Variants in GPR176 observed in about 807,000 individuals in gnomAD.
The protein encoded by GPR176 is G protein-coupled receptor 176.
Under a neutral mutation model 35.4 loss-of-function variants are expected in GPR176, and 26 were observed. That is an observed-to-expected ratio of 0.74 (90% confidence interval 0.54 to 1.02). The LOEUF (loss-of-function observed/expected upper bound fraction) is 1.02, where lower values mean the gene tolerates loss of function less well. Among genes scored for constraint, GPR176 ranks in the 50% least tolerant of loss-of-function variants. The pLI is 0.00. For synonymous variants in GPR176, 278 were observed against 271.3 expected, an observed-to-expected ratio of 1.02 and a Z score of -0.24; for missense variants, 597 against 665.3, an observed-to-expected ratio of 0.90 and a Z score of 1.13.
intron 1 of GPR176, among the ~76,000 whole-genome samples, chr15:39,918,632 T>C (rs2033789971): frequency 6.6e-6 from 1 of 152,014 alleles, no homozygotes; most frequent in South Asian, 2.1e-4. Context: ...CTAATGTGCA[T>C]TTAACATCCC....
intron 1 of GPR176, among the ~76,000 whole-genome samples, chr15:39,900,226 TA>T (rs1038366139): frequency 5.1e-3 from 696 of 136,962 alleles, no homozygotes; most frequent in African/African-American, 7.4e-3. Context: ...CAAGGATGTT[TA>T]AAAAAAAAAA....
At chr15:39,825,729 G>T (rs1209140361) in intron 1 of GPR176, among the ~76,000 whole-genome samples, 3 of 152,104 alleles carry the variant, frequency 2.0e-5, no homozygotes, top group Admixed American at 1.3e-4. Context: ...TATTTGTAGA[G>T]CCTTTTCCCC....
Position 39,848,321 on chromosome 15 carries a change from A to G in GPR176, c.173-41063T>C, listed in dbSNP as rs1595476351. Among the ~76,000 whole-genome samples the G allele has an allele frequency of 2.6e-5, 4 of 152,316 alleles. No individual in the cohort carries two copies. In the East Asian group the frequency reaches 7.7e-4, roughly 29 times the overall value. ...ATCAAACAACAAAATGTGTGATGCGAAAACTTAGAATTGAAAGCAGAATTA... is the reference window on the plus strand; with the variant it reads ...ATCAAACAACAAAATGTGTGATGCGGAAACTTAGAATTGAAAGCAGAATTA... On this transcript the variant is annotated intron_variant, in intron 1 of 2. Transcript: ENST00000561100.
intron 1 of GPR176, among the ~76,000 whole-genome samples, chr15:39,843,666 A>T (rs958891342): frequency 1.3e-5 from 2 of 152,188 alleles, no homozygotes; most frequent in Admixed American, 1.3e-4. Context: ...ATCTGGGTTT[A>T]TAATACAATA....
At chr15:39,803,271 CTTTTTTTTTTTTTT>C (rs769645892) in intron 2 of GPR176, among the ~76,000 whole-genome samples, 1 of 85,542 alleles carries the variant, frequency 1.2e-5, no homozygotes, top group Non-Finnish European at 2.3e-5. Context: ...ACAAGTACTT[CTTTTTTTTTTTTTT>C]TTTTTTTTTT....
chr15:39,827,775 T>C (rs1362539003), intron 1 of GPR176, among the ~76,000 whole-genome samples: 1 of 152,254 alleles, frequency 6.6e-6, no homozygotes, highest in Non-Finnish European at 1.5e-5. Flanking sequence ...TAATATTAAA[T>C]GCATGTACCT....
intron 1 of GPR176, among the ~76,000 whole-genome samples, chr15:39,856,659 G>T (rs1380438194): frequency 6.6e-6 from 1 of 152,218 alleles, no homozygotes; most frequent in Non-Finnish European, 1.5e-5. Flanking sequence ...CCAAGAAAAG[G>T]CAAGATAATA....
chr15:39,808,253 C>T (rs543748040), intron 1 of GPR176, among the ~76,000 whole-genome samples: 1 of 152,264 alleles, frequency 6.6e-6, no homozygotes, highest in South Asian at 2.1e-4. Context: ...ACTTCTGATA[C>T]CCCTCTCAAT....
At chr15:39,853,886 T>C (rs1216965370) in intron 1 of GPR176, among the ~76,000 whole-genome samples, 2 of 152,166 alleles carry the variant, frequency 1.3e-5, no homozygotes, top group Admixed American at 6.5e-5. Flanking sequence ...ATAAAATGCA[T>C]AGCTCAGAGC....
chr15:39,894,170 G>T (rs1221674666), intron 1 of GPR176, among the ~76,000 whole-genome samples: 1 of 129,360 alleles, frequency 7.7e-6, no homozygotes. Flanking sequence ...GGGGCGGCTG[G>T]CCTGGCAGAG....
chr15:39,823,081 C>T (rs934370496), intron 1 of GPR176, among the ~76,000 whole-genome samples: 4 of 152,212 alleles, frequency 2.6e-5, no homozygotes, highest in Admixed American at 2.0e-4. Context: ...TTGGCTATTT[C>T]TCAGTATTTT....
At chr15:39,887,601 A>T (rs959797503) in intron 1 of GPR176, among the ~76,000 whole-genome samples, 59 of 7,758 alleles carry the variant, frequency 7.6e-3, no homozygotes, top group Non-Finnish European at 0.028. Flanking sequence ...TTTAAATTTA[A>T]AAAAAAAAAA....
chr15:39,915,504 G>T (rs961348581), intron 1 of GPR176, among the ~76,000 whole-genome samples: 1 of 152,168 alleles, frequency 6.6e-6, no homozygotes, highest in East Asian at 1.9e-4. Flanking sequence ...AAAGGAAAGG[G>T]AATATAGCTT....
chr15:39,801,082 T>C lies in GPR176; in HGVS notation c.*50A>G, dbSNP rs200985263. ...ACATGGCCACAGCATTCCCACACTC[T>C]GGTGGGAATATGGAAGCTCCCCGTT... is the stretch of plus-strand genomic sequence containing the variant. On this transcript the variant is annotated 3_prime_UTR_variant, in exon 3 of 3. Coordinates refer to ENST00000561100, the MANE Select transcript of GPR176 (RefSeq NM_007223.3). 1.4e-6 allele frequency: 2 copies of C among 1,459,384 alleles called. No individual in the cohort carries two copies. The highest frequency in any genetic ancestry group is 2.3e-5 in the East Asian group (1 of 43,976). 90.4% of individuals were successfully genotyped at this position (1,459,384 alleles called of 1,614,324 possible).
At chr15:39,812,446 C>T (rs1373012045) in intron 1 of GPR176, among the ~76,000 whole-genome samples, 1 of 152,184 alleles carries the variant, frequency 6.6e-6, no homozygotes, top group African/African-American at 2.4e-5. Context: ...TCAGAATCCA[C>T]GTTCTTCAGC....
intron 1 of GPR176, among the ~76,000 whole-genome samples, chr15:39,869,451 G>T (rs1231894143): frequency 6.6e-6 from 1 of 152,064 alleles, no homozygotes; most frequent in East Asian, 1.9e-4. Context: ...TGCCGACCTC[G>T]GGCAGGTGTC....
At chr15:39,913,985 G>A (rs951638346) in intron 1 of GPR176, among the ~76,000 whole-genome samples, 4 of 152,246 alleles carry the variant, frequency 2.6e-5, no homozygotes, top group Non-Finnish European at 5.9e-5. Context: ...GGCGGACCTC[G>A]CAGTGAGCTG....
At chr15:39,802,443 G>A (rs556360627) in intron 2 of GPR176, among the ~76,000 whole-genome samples, 189 bp from the exon 3 acceptor site, 3 of 152,198 alleles carry the variant, frequency 2.0e-5, no homozygotes, top group East Asian at 1.9e-4. Context: ...AATAAGAAGC[G>A]TCACTAGACC....
chr15:39,869,722 C>T (rs2031975892), intron 1 of GPR176, among the ~76,000 whole-genome samples: 1 of 152,104 alleles, frequency 6.6e-6, no homozygotes, highest in Non-Finnish European at 1.5e-5. Flanking sequence ...TGCAATAGCA[C>T]AATATTAATC....
Sources: allele counts gnomAD v4.1 joint callset (sites outside exome capture counted in the v4.1 genomes callset), GRCh38; gene constraint gnomAD v4.1.1; transcripts MANE v1.5; gene names NCBI Gene and HGNC (gene_info 2026-07-23, HGNC 2026-07-21).